PPP2R2A: variants seen among roughly 807,000 people sequenced by gnomAD.
PPP2R2A encodes the protein serine/threonine-protein phosphatase 2A 55 kDa regulatory subunit B alpha isoform.
In PPP2R2A, 9 loss-of-function variants were observed where a neutral mutation model predicts 53.2. The ratio of observed to expected loss-of-function variants is 0.17; its 90% CI spans 0.10 to 0.30. PPP2R2A has a LOEUF of 0.30. Among genes scored for constraint, PPP2R2A ranks in the 10% least tolerant of loss-of-function variants. The pLI is 1.00. For missense variants in PPP2R2A, 235 were observed against 534.6 expected, an observed-to-expected ratio of 0.44 and a Z score of 5.53; for synonymous variants, 169 against 174.2, an observed-to-expected ratio of 0.97 and a Z score of 0.23.
At chr8:26,304,985 T>C (rs1423574659) in intron 2 of PPP2R2A, among the ~76,000 whole-genome samples, 1 of 152,216 alleles carries the variant, frequency 6.6e-6, no homozygotes, top group Non-Finnish European at 1.5e-5. Context: ...CACTGTTCAG[T>C]AGTGTTAACT....
intron 8 of PPP2R2A, among the ~76,000 whole-genome samples, chr8:26,364,255 G>C (rs1178196225): frequency 6.6e-6 from 1 of 152,188 alleles, no homozygotes; most frequent in African/African-American, 2.4e-5. Flanking sequence ...AGGTGCACCT[G>C]CTCAGGTTGT....
chr8:26,316,510 TATTTTTTTACTCCTGAAATA>T (rs970112653), intron 2 of PPP2R2A, among the ~76,000 whole-genome samples: 2 of 152,250 alleles, frequency 1.3e-5, no homozygotes, highest in African/African-American at 4.8e-5. Context: ...AATCAGTTTA[TATTTTTTTACTCCTGAAATA>T]ATTTAAATTA....
chr8:26,346,859 G>C (rs1299317391), intron 3 of PPP2R2A, among the ~76,000 whole-genome samples: 1 of 152,184 alleles, frequency 6.6e-6, no homozygotes, highest in Non-Finnish European at 1.5e-5. Context: ...GGACATTGAA[G>C]ACTATCTGAT....
At chr8:26,309,522 T>A (rs1802179814) in intron 2 of PPP2R2A, among the ~76,000 whole-genome samples, 2 of 152,226 alleles carry the variant, frequency 1.3e-5, no homozygotes, top group African/African-American at 4.8e-5. Context: ...GCCTGTTCTT[T>A]GAAGCTTTGA....
intron 3 of PPP2R2A, chr8:26,350,749 T>G (rs1804458336): frequency 6.6e-6 from 1 of 152,228 alleles, no homozygotes; most frequent in African/African-American, 2.4e-5. Context: ...TGTTATCTTT[T>G]GGAAGTGACT....
At chr8:26,330,349 G>A (rs1429486634) in intron 2 of PPP2R2A, among the ~76,000 whole-genome samples, 2 of 135,444 alleles carry the variant, frequency 1.5e-5, no homozygotes, top group East Asian at 2.1e-4. Flanking sequence ...TGGCTCTGTC[G>A]CCCAGGCTGG....
chr8:26,320,746 T>C (rs1247151394), intron 2 of PPP2R2A, among the ~76,000 whole-genome samples: 3 of 152,214 alleles, frequency 2.0e-5, no homozygotes, highest in African/African-American at 7.2e-5. Flanking sequence ...GGTATTATTA[T>C]TATTTTTTTA....
chr8:26,293,512 C>A, intron 1 of PPP2R2A, 154 bp from the exon 2 acceptor site: 1 of 746,664 alleles, frequency 1.3e-6, no homozygotes, highest in Admixed American at 3.1e-5. Flanking sequence ...GTATTGGGGA[C>A]TAACCTCTTT....
intron 2 of PPP2R2A, among the ~76,000 whole-genome samples, chr8:26,315,909 A>G (rs533131406): frequency 1.2e-4 from 18 of 152,364 alleles, no homozygotes; most frequent in African/African-American, 3.4e-4. Context: ...ATTCATGTCT[A>G]GAACACTTGG....
chr8:26,350,421 A>C (rs538185098), intron 3 of PPP2R2A, among the ~76,000 whole-genome samples: 2 of 152,244 alleles, frequency 1.3e-5, no homozygotes, highest in African/African-American at 4.8e-5. Context: ...GTTTTGAGAC[A>C]GGGTGTTTCT....
chr8:26,295,393 G>A (rs768340525), intron 2 of PPP2R2A, among the ~76,000 whole-genome samples: 39 of 152,294 alleles, frequency 2.6e-4, no homozygotes, highest in African/African-American at 6.7e-4. Flanking sequence ...CTCCCTTAAT[G>A]TATAGGTTCT....
Position 26,362,005 on chromosome 8 carries a change from TATTAAGATTAG to T in PPP2R2A, c.638-657_638-647del, listed in dbSNP as rs202132360. ...GATTTATATATATTATATTAATTGA[TATTAAGATTAG>T]ATTAAGATTAGATTAAGATTAATCT... On this transcript the variant is annotated intron_variant, in intron 6 of 9. Coordinates refer to ENST00000380737, the MANE Select transcript of PPP2R2A (RefSeq NM_002717.4). The surrounding 1 kb of genome is among the most constrained non-coding windows in gnomAD (Gnocchi z 4.4). Among the ~76,000 whole-genome samples the T allele has an allele frequency of 0.064, 9,447 of 147,310 alleles. 371 individuals are homozygous for T. The highest frequency in any genetic ancestry group is 0.12 in the South Asian group (594 of 4,770).
Position 26,354,787 on chromosome 8 carries a change from G to T in PPP2R2A, c.346+154G>T. On this transcript the variant is annotated intron_variant, in intron 4 of 9. Coordinates refer to ENST00000380737, the MANE Select transcript of PPP2R2A (RefSeq NM_002717.4). The surrounding 1 kb of genome is among the most constrained non-coding windows in gnomAD (Gnocchi z 4.6). Reference sequence around the variant, plus strand: ...AAACTCTACTTTTTTACTGTCACTTGCAGTTTTTAGATTCTCTGAAAGATT... The same window carrying T: ...AAACTCTACTTTTTTACTGTCACTTTCAGTTTTTAGATTCTCTGAAAGATT... 3 of 687,136 alleles carry T rather than the reference G, an allele frequency of 4.4e-6. No individual in the cohort carries two copies. Among genetic ancestry groups the T allele is most frequent in the Non-Finnish European group, 6.1e-6 (3 of 492,608 alleles). The allele number at this position is 687,136 out of a possible 1,614,324, so 42.6% of individuals were successfully genotyped here.
chr8:26,333,010 A>G (rs1259437357), intron 2 of PPP2R2A, among the ~76,000 whole-genome samples: 6 of 152,232 alleles, frequency 3.9e-5, no homozygotes, highest in Non-Finnish European at 8.8e-5. Context: ...TGAAAATGAT[A>G]TGCATATTAC....
chr8:26,347,668 T>A (rs1355492657), intron 3 of PPP2R2A, among the ~76,000 whole-genome samples: 1 of 152,166 alleles, frequency 6.6e-6, no homozygotes, highest in African/African-American at 2.4e-5. Context: ...GATTTGACTT[T>A]CTAATTGTTT....
intron 3 of PPP2R2A, among the ~76,000 whole-genome samples, chr8:26,343,930 C>CGG (rs1804079765): frequency 1.3e-5 from 2 of 152,116 alleles, no homozygotes; most frequent in Admixed American, 1.3e-4. Context: ...TCCCCCCATC[C>CGG]AGGCTTATAA....
chr8:26,353,233 G>A (rs1804609271), intron 3 of PPP2R2A, among the ~76,000 whole-genome samples: 2 of 152,298 alleles, frequency 1.3e-5, no homozygotes, highest in South Asian at 4.1e-4. Context: ...TACCCCTTGT[G>A]TATCCCCGAT....
intron 2 of PPP2R2A, among the ~76,000 whole-genome samples, chr8:26,319,590 C>G (rs776347649): frequency 6.6e-6 from 1 of 151,924 alleles, no homozygotes; most frequent in Non-Finnish European, 1.5e-5. Flanking sequence ...TCCAGTTTTC[C>G]TAACTCTCAT....
chr8:26,354,642 A>C lies in PPP2R2A; in HGVS notation c.346+9A>C. 2 of 1,580,008 alleles carry C rather than the reference A, an allele frequency of 1.3e-6. No homozygotes were observed. Among genetic ancestry groups the C allele is most frequent in the Non-Finnish European group, 1.7e-6 (2 of 1,161,100 alleles). ...TTTATTGTCTACCAATGGTAAGTATACATATTTTCTTTCCATGTGCCCACT... is the reference window on the plus strand; with the variant it reads ...TTTATTGTCTACCAATGGTAAGTATCCATATTTTCTTTCCATGTGCCCACT... On this transcript the variant is annotated intron_variant, in intron 4 of 9. Coordinates refer to ENST00000380737, the MANE Select transcript of PPP2R2A (RefSeq NM_002717.4). This position sits in a 1 kb window ranked among gnomAD's most constrained non-coding sequence, Gnocchi z 4.6.
Sources: allele counts gnomAD v4.1 joint callset (sites outside exome capture counted in the v4.1 genomes callset), GRCh38; gene constraint gnomAD v4.1.1; non-coding constraint Gnocchi (gnomAD v3.1); transcripts MANE v1.5; gene names NCBI Gene and HGNC (gene_info 2026-07-23, HGNC 2026-07-21).